Variants in CEP83 observed in about 807,000 individuals in gnomAD.
CEP83 encodes the protein centrosomal protein 83.
Under a neutral mutation model 101.9 loss-of-function variants are expected in CEP83, and 70 were observed. The observed-to-expected ratio is 0.69, with a 90% CI of 0.57 to 0.84. CEP83 has a LOEUF of 0.84. Ranked by LOEUF, CEP83 falls within the 40% of genes least tolerant of loss-of-function variation. CEP83 has a pLI of 0.00. For synonymous variants in CEP83, 264 were observed against 267.9 expected (o/e 0.99, Z 0.14); for missense variants, 715 against 787.2 (o/e 0.91, Z 1.10).
intron 11 of CEP83, among the ~76,000 whole-genome samples, chr12:94,350,528 T>C (rs992677523): frequency 3.3e-5 from 5 of 152,128 alleles, no homozygotes; most frequent in Non-Finnish European, 5.9e-5. Flanking sequence ...CTATAAACTC[T>C]TAGAAGATGG....
chr12:94,428,591 C>A (rs1207447256), intron 2 of CEP83, among the ~76,000 whole-genome samples: 1 of 152,172 alleles, frequency 6.6e-6, no homozygotes, highest in Non-Finnish European at 1.5e-5. Flanking sequence ...CACAAACATT[C>A]TCTTCATTAT....
At chr12:94,336,825 C>T (rs928490301) in intron 11 of CEP83, among the ~76,000 whole-genome samples, 1 of 151,874 alleles carries the variant, frequency 6.6e-6, no homozygotes, top group Non-Finnish European at 1.5e-5. Flanking sequence ...CAACTGGGTG[C>T]CTTCTTTTTT....
chr12:94,409,635 C>A (rs905570840), intron 4 of CEP83, among the ~76,000 whole-genome samples: 1 of 152,136 alleles, frequency 6.6e-6, no homozygotes, highest in Non-Finnish European at 1.5e-5. Flanking sequence ...TAATAAAATA[C>A]CAGAAACGAC....
At chr12:94,343,200 T>C (rs1233006893) in intron 11 of CEP83, among the ~76,000 whole-genome samples, 3 of 151,864 alleles carry the variant, frequency 2.0e-5, no homozygotes, top group African/African-American at 4.8e-5. Flanking sequence ...ACATATACTA[T>C]GGGACTAAGT....
intron 11 of CEP83, among the ~76,000 whole-genome samples, chr12:94,346,944 G>A (rs1205461555): frequency 5.9e-5 from 9 of 151,876 alleles, no homozygotes; most frequent in Non-Finnish European, 1.0e-4. Context: ...AGGCTGAGGT[G>A]GGAGGATCGC....
chr12:94,303,968 T>G (rs1968745408), downstream of CEP83: 1 of 1,606,152 alleles, frequency 6.2e-7, no homozygotes, highest in Admixed American at 1.7e-5. Context: ...CAACAAGTCT[T>G]TCTTTTAGAA....
intron 6 of CEP83, among the ~76,000 whole-genome samples, chr12:94,393,815 T>A (rs148180210): frequency 0.011 from 1,609 of 152,188 alleles, 76 homozygotes; most frequent in Admixed American, 0.081. Context: ...TCACAAGCAT[T>A]CCTATACACC....
intron 6 of CEP83, among the ~76,000 whole-genome samples, chr12:94,389,074 C>A (rs1270907702): frequency 2.0e-5 from 3 of 152,098 alleles, no homozygotes; most frequent in Non-Finnish European, 4.4e-5. Flanking sequence ...TTGCAGTGAG[C>A]CAAGATCGCG....
chr12:94,427,890 G>A (rs529028460), intron 2 of CEP83, among the ~76,000 whole-genome samples: 9 of 152,132 alleles, frequency 5.9e-5, no homozygotes, highest in Middle Eastern at 3.4e-3. Context: ...GATGTCTTGC[G>A]TACAAAAAAA....
At chr12:94,451,190 A>T (rs147450546) in intron 1 of CEP83, among the ~76,000 whole-genome samples, 258 of 152,292 alleles carry the variant, frequency 1.7e-3, no homozygotes, top group Middle Eastern at 3.4e-3. Context: ...TCTTATATTT[A>T]AAGGAAAGAG....
chr12:94,391,140 C>T (rs1445720138), intron 6 of CEP83, among the ~76,000 whole-genome samples: 1 of 152,128 alleles, frequency 6.6e-6, no homozygotes, highest in African/African-American at 2.4e-5. Context: ...CACAAAGACA[C>T]TCCTCGAGAA....
the CEP83 span, among the ~76,000 whole-genome samples, chr12:94,270,828 T>TA: frequency 6.6e-6 from 1 of 151,986 alleles, no homozygotes; most frequent in Non-Finnish European, 1.5e-5. Flanking sequence ...ACTCTTCTGT[T>TA]AGAGTAGCAG....
chr12:94,265,893 T>G, the CEP83 span, among the ~76,000 whole-genome samples: 1 of 152,146 alleles, frequency 6.6e-6, no homozygotes, highest in African/African-American at 2.4e-5. Flanking sequence ...AAGCCCAGTT[T>G]GGGGCACATT....
chr12:94,267,290 T>G, the CEP83 span, among the ~76,000 whole-genome samples: 2 of 152,130 alleles, frequency 1.3e-5, no homozygotes, highest in Non-Finnish European at 2.9e-5. Context: ...TGAGGCAACT[T>G]TTGAGGTTTT....
At chr12:94,330,291 C>CA (rs1452793620) in intron 14 of CEP83, among the ~76,000 whole-genome samples, 4 of 152,134 alleles carry the variant, frequency 2.6e-5, no homozygotes, top group African/African-American at 9.7e-5. Context: ...CACACACACA[C>CA]ACACTTTATC....
At chr12:94,352,828 G>A (rs2060264861) in intron 11 of CEP83, among the ~76,000 whole-genome samples, 1 of 152,148 alleles carries the variant, frequency 6.6e-6, no homozygotes, top group Non-Finnish European at 1.5e-5. Context: ...AAGGGATGAA[G>A]AAAGCCTATG....
chr12:94,423,621 T>C (rs1251326201), intron 2 of CEP83: 1 of 1,545,422 alleles, frequency 6.5e-7, no homozygotes, highest in Non-Finnish European at 8.7e-7. Flanking sequence ...GATGGCTAAG[T>C]GTTAGTCCTT....
chr12:94,320,879 C>T (rs1274402038), intron 14 of CEP83, among the ~76,000 whole-genome samples: 2 of 152,138 alleles, frequency 1.3e-5, no homozygotes, highest in Non-Finnish European at 2.9e-5. Flanking sequence ...GGATTATCTT[C>T]CTGTGTAGAA....
chr12:94,309,767 A>G (rs1969554989), intron 16 of CEP83, 151 bp downstream of exon 16: 1 of 473,854 alleles, frequency 2.1e-6, no homozygotes, highest in African/African-American at 2.0e-5. Context: ...AAAGGGAAGA[A>G]GTTAAAAGTA....
Sources: allele counts gnomAD v4.1 joint callset (sites outside exome capture counted in the v4.1 genomes callset), GRCh38; gene constraint gnomAD v4.1.1; transcripts MANE v1.5; gene names NCBI Gene and HGNC (gene_info 2026-07-23, HGNC 2026-07-21).